The following CD247 variants were observed in gnomAD, a reference collection of about 807,000 sequenced individuals.
CD247 encodes T-cell surface glycoprotein CD3 zeta chain.
Under a neutral mutation model 30.0 loss-of-function variants are expected in CD247, and 13 were observed. That is an observed-to-expected ratio of 0.43 (90% CI 0.28 to 0.69). The LOEUF is 0.69. Ranked by LOEUF, CD247 falls within the 30% of genes least tolerant of loss-of-function variation. CD247 has a pLI of 0.16. For missense variants in CD247, 193 were observed against 212.6 expected (o/e 0.91, Z 0.57); for synonymous variants, 72 against 80.0 (o/e 0.90, Z 0.53).
At chr1:167,480,397 G>C (rs144516829) in intron 1 of CD247, among the ~76,000 whole-genome samples, 1 of 152,158 alleles carries the variant, frequency 6.6e-6, no homozygotes, top group Non-Finnish European at 1.5e-5. Context: ...CAGCATGCAC[G>C]CTACTGGTAC....
At chr1:167,451,914 C>T (rs1652366719) in intron 1 of CD247, among the ~76,000 whole-genome samples, 1 of 152,152 alleles carries the variant, frequency 6.6e-6, no homozygotes. Flanking sequence ...TGAGACCAGC[C>T]TGACCAACAT....
Position 167,473,439 on chromosome 1 carries a change from G to A in CD247, c.59-32672C>T, listed in dbSNP as rs369812098. 7.9e-5 allele frequency among the ~76,000 whole-genome samples: 12 copies of A among 152,274 alleles called. No individual in the cohort carries two copies. In the South Asian group the frequency reaches 2.5e-3, roughly 32 times the overall value. Reference sequence around the variant, plus strand: ...ACGCCCACAGGCTACTAGGAGAAATGTCATTTAGCCGCGCTCACAGCCAGT... The same window carrying A: ...ACGCCCACAGGCTACTAGGAGAAATATCATTTAGCCGCGCTCACAGCCAGT... On this transcript the variant is annotated intron_variant, in intron 1 of 7. Coordinates refer to ENST00000362089, the MANE Select transcript of CD247 (RefSeq NM_198053.3).
chr1:167,456,117 C>T (rs1652654193), intron 1 of CD247, among the ~76,000 whole-genome samples: 1 of 152,136 alleles, frequency 6.6e-6, no homozygotes, highest in Non-Finnish European at 1.5e-5. Flanking sequence ...TCGGAATCAA[C>T]AGCTGCTTTC....
rs35004482 is a variant in CD247 at position 167,473,092 on chromosome 1, TACACACAC to T, written c.59-32333_59-32326del. On this transcript the variant is annotated intron_variant, in intron 1 of 7. Coordinates refer to ENST00000362089, the MANE Select transcript of CD247 (RefSeq NM_198053.3). ...CTCCTTAGGCGTCTTCTTCAAGTTTTACACACACACACACACACACACACACACACACA... is the reference window on the plus strand; with the variant it reads ...CTCCTTAGGCGTCTTCTTCAAGTTTTACACACACACACACACACACACACA... Among the ~76,000 whole-genome samples the T allele has an allele frequency of 4.2e-4, 62 of 146,630 alleles. 1 individual carries two copies. Among genetic ancestry groups the T allele is most frequent in the African/African-American group, 1.3e-3 (52 of 39,664 alleles).
intron 1 of CD247, among the ~76,000 whole-genome samples, chr1:167,517,651 T>G (rs1571611201): frequency 6.6e-6 from 1 of 152,214 alleles, no homozygotes; most frequent in East Asian, 1.9e-4. Context: ...CTGCCCCGTG[T>G]TCTGTCAATG....
At position 167,492,604 on chromosome 1, in the gene CD247, G is replaced by A. The variant is rs1463742098; in HGVS notation, c.58+25804C>T. ...TCTGGTCACGTAGGCTGCTGTCTTC[G>A]GCTTCGATTCGTAAGCCACCTCCCA... On this transcript the variant is annotated intron_variant, in intron 1 of 7. Transcript: ENST00000362089. 5.9e-5 allele frequency among the ~76,000 whole-genome samples: 9 copies of A among 152,250 alleles called. No individual in the cohort carries two copies. The East Asian group carries it at 1.2e-3, about 20-fold the overall frequency.
At chr1:167,467,926 G>T (rs1653332858) in intron 1 of CD247, among the ~76,000 whole-genome samples, 1 of 152,078 alleles carries the variant, frequency 6.6e-6, no homozygotes, top group African/African-American at 2.4e-5. Context: ...AATCCCCTTA[G>T]CCAATTCATA....
At position 167,506,282 on chromosome 1, in the gene CD247, CTTTTCTT is replaced by C. The variant is rs1384745100; in HGVS notation, c.58+12119_58+12125del. ...TTTTCTTTTCTTTTCCTTTTCTTTTCTTTTCTTTTTTCTTTTCTTTTCCTTTCCTTTC... is the reference window on the plus strand; with the variant it reads ...TTTTCTTTTCTTTTCCTTTTCTTTTCTTTTCTTTTCTTTTCCTTTCCTTTC... On this transcript the variant is annotated intron_variant, in intron 1 of 7. Transcript: ENST00000362089. Among the ~76,000 whole-genome samples, 109 of 14,232 alleles carry C rather than the reference CTTTTCTT, an allele frequency of 7.7e-3. 2 individuals are homozygous for C. Among genetic ancestry groups the C allele is most frequent in the African/African-American group, 0.041 (101 of 2,466 alleles). 9.3% of individuals were successfully genotyped at this position (14,232 alleles called of 152,430 possible).
At chr1:167,441,997 G>A (rs908580017) in intron 1 of CD247, among the ~76,000 whole-genome samples, 2 of 152,128 alleles carry the variant, frequency 1.3e-5, no homozygotes, top group Admixed American at 6.5e-5. Context: ...TTTGATCACA[G>A]CCACTCTGGA....
intron 1 of CD247, among the ~76,000 whole-genome samples, chr1:167,455,887 G>A (rs1652630466): frequency 6.6e-6 from 1 of 152,158 alleles, no homozygotes; most frequent in African/African-American, 2.4e-5. Flanking sequence ...GCCAGGATCG[G>A]GCCTGGCTCC....
intron 1 of CD247, among the ~76,000 whole-genome samples, chr1:167,498,042 G>C (rs1210405426): frequency 6.6e-6 from 1 of 152,198 alleles, no homozygotes; most frequent in Non-Finnish European, 1.5e-5. Context: ...CTGTAGATGG[G>C]TGATGGTGCC....
chr1:167,516,534 T>C (rs779714538), intron 1 of CD247, among the ~76,000 whole-genome samples: 1 of 152,204 alleles, frequency 6.6e-6, no homozygotes, highest in Non-Finnish European at 1.5e-5. Flanking sequence ...GTGCGGCCTT[T>C]CCTCCGGGGA....
At chr1:167,511,303 A>C (rs371015221) in intron 1 of CD247, among the ~76,000 whole-genome samples, 3 of 152,252 alleles carry the variant, frequency 2.0e-5, no homozygotes, top group East Asian at 3.8e-4. Context: ...TATTCAGGGC[A>C]AAACCTCTCA....
At chr1:167,505,595 C>G (rs1041473090) in intron 1 of CD247, among the ~76,000 whole-genome samples, 13 of 152,374 alleles carry the variant, frequency 8.5e-5, no homozygotes, top group African/African-American at 3.1e-4. Context: ...CTCCGGCAGC[C>G]TGTTGCCCAG....
intron 1 of CD247, among the ~76,000 whole-genome samples, chr1:167,446,549 A>G (rs147842663): frequency 6.6e-6 from 1 of 152,186 alleles, no homozygotes; most frequent in African/African-American, 2.4e-5. Flanking sequence ...ACAGTGGCGC[A>G]TGCTAAGAGG....
intron 1 of CD247, among the ~76,000 whole-genome samples, chr1:167,479,028 GCTCT>G (rs1396223173): frequency 1.3e-5 from 2 of 152,052 alleles, no homozygotes; most frequent in African/African-American, 2.4e-5. Context: ...TTTTTATTTT[GCTCT>G]CTATTTAAAA....
At chr1:167,442,443 A>T (rs1205530305) in intron 1 of CD247, among the ~76,000 whole-genome samples, 2 of 152,198 alleles carry the variant, frequency 1.3e-5, no homozygotes, top group Non-Finnish European at 2.9e-5. Context: ...ATGCTCTGTC[A>T]GCTGCCTCTT....
At chr1:167,431,845 GTGA>G in intron 7 of CD247, 99 bp from the exon 8 acceptor site, 1 of 1,008,114 alleles carries the variant, frequency 9.9e-7, no homozygotes, top group Non-Finnish European at 1.6e-6. Flanking sequence ...GCACAGCCCT[GTGA>G]CCACCCACCC....
intron 1 of CD247, among the ~76,000 whole-genome samples, chr1:167,496,452 C>A (rs904768556): frequency 1.3e-5 from 2 of 152,202 alleles, no homozygotes; most frequent in African/African-American, 4.8e-5. Flanking sequence ...AGTACTTGAA[C>A]CTGCCTGAGA....
Sources: gnomAD v4.1 joint callset for allele counts (sites outside exome capture counted in the v4.1 genomes callset) on GRCh38, gnomAD v4.1.1 for gene constraint, MANE v1.5 for transcripts, NCBI Gene and HGNC (gene_info 2026-07-23, HGNC 2026-07-21) for gene names.